The following RANBP2 variants were observed in gnomAD, a reference collection of about 807,000 sequenced individuals.
The protein encoded by RANBP2 is E3 SUMO-protein ligase RanBP2.
In RANBP2, 57 loss-of-function variants were observed where a neutral mutation model predicts 303.6. The ratio of observed to expected loss-of-function variants is 0.19; its 90% CI spans 0.15 to 0.23. The LOEUF (loss-of-function observed/expected upper bound fraction) is 0.23, where lower values mean the gene tolerates loss of function less well. Among genes scored for constraint, RANBP2 ranks in the 10% least tolerant of loss-of-function variants. The pLI, the probability that RANBP2 is intolerant of heterozygous loss-of-function variation, is 1.00. For missense variants in RANBP2, 3,138 were observed against 3,780.8 expected (o/e 0.83, Z 4.46); for synonymous variants, 1,167 against 1,301.5 (o/e 0.90, Z 2.23).
the RANBP2 span, among the ~76,000 whole-genome samples, chr2:109,175,664 G>A: frequency 6.6e-6 from 1 of 152,220 alleles, no homozygotes; most frequent in African/African-American, 2.4e-5. Context: ...TCCAGAATCA[G>A]TAATAGGACA....
At chr2:108,796,910 T>C in the RANBP2 span, among the ~76,000 whole-genome samples, 4 of 152,190 alleles carry the variant, frequency 2.6e-5, no homozygotes, top group African/African-American at 9.7e-5. Flanking sequence ...ACTAGTACAA[T>C]AGGGAAATTA....
chr2:109,419,674 G>T, the RANBP2 span: 1 of 1,544,152 alleles, frequency 6.5e-7, no homozygotes, highest in Non-Finnish European at 8.7e-7. Context: ...TCGGGGTCCT[G>T]TGCCTGCAGC....
the RANBP2 span, among the ~76,000 whole-genome samples, chr2:109,430,806 G>T: frequency 6.6e-6 from 1 of 152,162 alleles, no homozygotes; most frequent in Non-Finnish European, 1.5e-5. Context: ...CTGAAGCCCA[G>T]AGTTGGTCCT....
chr2:109,730,117 A>AT, the RANBP2 span, among the ~76,000 whole-genome samples: 1 of 152,066 alleles, frequency 6.6e-6, no homozygotes, highest in Non-Finnish European at 1.5e-5. Flanking sequence ...TTGAGAAGAG[A>AT]TTTGGGTGGG....
chr2:109,397,893 A>T, the RANBP2 span, among the ~76,000 whole-genome samples: 1 of 152,226 alleles, frequency 6.6e-6, no homozygotes, highest in African/African-American at 2.4e-5. Context: ...TTCACTGCGC[A>T]CAACGCCTGC....
the RANBP2 span, among the ~76,000 whole-genome samples, chr2:109,750,730 T>TAATAATAA: frequency 3.6e-5 from 3 of 82,938 alleles, no homozygotes; most frequent in Admixed American, 1.3e-4. Context: ...ATAATAATAA[T>TAATAATAA]TTTTTTTTTT....
At chr2:109,617,653 T>G in the RANBP2 span, 1 of 166,994 alleles carries the variant, frequency 6.0e-6, no homozygotes, top group South Asian at 2.1e-4. Context: ...ACAGAGCAAT[T>G]CATAGAAAAT....
At chr2:108,967,620 G>C in the RANBP2 span, among the ~76,000 whole-genome samples, 1 of 152,198 alleles carries the variant, frequency 6.6e-6, no homozygotes, top group African/African-American at 2.4e-5. Flanking sequence ...GTCCATGCCT[G>C]ACAGAGTGTG....
At chr2:108,913,353 G>A in the RANBP2 span, among the ~76,000 whole-genome samples, 2 of 152,254 alleles carry the variant, frequency 1.3e-5, no homozygotes, top group South Asian at 2.1e-4. Context: ...TTTCCTATGC[G>A]TGGAGACAAA....
chr2:109,125,134 C>T, the RANBP2 span, among the ~76,000 whole-genome samples: 1 of 152,208 alleles, frequency 6.6e-6, no homozygotes, highest in Admixed American at 6.5e-5. Context: ...TGCCCCCACT[C>T]TGAGATGCTA....
the RANBP2 span, among the ~76,000 whole-genome samples, chr2:109,717,235 G>A: frequency 7.6e-6 from 1 of 131,078 alleles, no homozygotes; most frequent in South Asian, 2.5e-4. Context: ...CAATATGCTT[G>A]CAAACAACAA....
chr2:109,263,452 A>G, the RANBP2 span, among the ~76,000 whole-genome samples: 3 of 152,202 alleles, frequency 2.0e-5, no homozygotes, highest in Non-Finnish European at 4.4e-5. Context: ...CAAATAAGTA[A>G]TGAAATAGTA....
At chr2:108,724,130 G>C (rs535444859) in intron 1 of RANBP2, among the ~76,000 whole-genome samples, 2 of 152,244 alleles carry the variant, frequency 1.3e-5, no homozygotes, top group East Asian at 3.9e-4. Flanking sequence ...AGTCTCACTT[G>C]CTTTGAGGAA....
At chr2:108,823,167 C>A in the RANBP2 span, among the ~76,000 whole-genome samples, 1 of 152,132 alleles carries the variant, frequency 6.6e-6, no homozygotes, top group African/African-American at 2.4e-5. Context: ...AACCTCCCAA[C>A]AATGAAAAGC....
chr2:109,767,253 T>C, the RANBP2 span, among the ~76,000 whole-genome samples: 1 of 148,594 alleles, frequency 6.7e-6, no homozygotes, highest in African/African-American at 2.5e-5. Context: ...CAGCAGTCCA[T>C]GCGGTGCAGC....
chr2:109,672,849 G>T, the RANBP2 span, among the ~76,000 whole-genome samples: 155 of 152,234 alleles, frequency 1.0e-3, no homozygotes, highest in Middle Eastern at 3.4e-3. Context: ...AGAGTAGATT[G>T]GTTGCAGTTT....
At chr2:109,663,228 T>G in the RANBP2 span, among the ~76,000 whole-genome samples, 3 of 152,202 alleles carry the variant, frequency 2.0e-5, no homozygotes, top group Admixed American at 2.0e-4. Context: ...AAAACCTCCT[T>G]CATCCTCAAA....
the RANBP2 span, among the ~76,000 whole-genome samples, chr2:109,207,877 C>T: frequency 1.1e-3 from 161 of 152,222 alleles, no homozygotes; most frequent in African/African-American, 3.7e-3. Context: ...ACAAATTGGC[C>T]TATGGCAGTT....
At chr2:109,115,938 T>C in the RANBP2 span, among the ~76,000 whole-genome samples, 1 of 152,240 alleles carries the variant, frequency 6.6e-6, no homozygotes, top group Non-Finnish European at 1.5e-5. Flanking sequence ...TTCTTTTCTT[T>C]AAGAATGTTG....
Sources: allele counts gnomAD v4.1 joint callset (sites outside exome capture counted in the v4.1 genomes callset), GRCh38; gene constraint gnomAD v4.1.1; transcripts MANE v1.5; gene names NCBI Gene and HGNC (gene_info 2026-07-23, HGNC 2026-07-21).